SIPA1L2: variants seen among roughly 807,000 people sequenced by gnomAD.
SIPA1L2 encodes the protein signal induced proliferation associated 1 like 2.
A neutral mutation model predicts 163.9 loss-of-function variants in SIPA1L2; 56 were observed. That is an observed-to-expected ratio of 0.34 (90% confidence interval 0.28 to 0.43). SIPA1L2 has a LOEUF of 0.43. Among genes scored for constraint, SIPA1L2 ranks in the 20% least tolerant of loss-of-function variants. SIPA1L2 has a pLI of 1.00. For synonymous variants in SIPA1L2, 877 were observed against 865.7 expected (o/e 1.01, Z -0.23); for missense variants, 1,974 against 2,193.5 (o/e 0.90, Z 2.00).
chr1:232,451,750 A>C (rs1179124682), intron 10 of SIPA1L2, among the ~76,000 whole-genome samples: 1 of 152,058 alleles, frequency 6.6e-6, no homozygotes, highest in Non-Finnish European at 1.5e-5. Flanking sequence ...ACCTCAAGAT[A>C]AGGCTGTGGG....
intron 5 of SIPA1L2, 31 bp from the exon 6 acceptor site, chr1:232,483,997 C>T (rs1283822724): frequency 1.3e-6 from 2 of 1,582,410 alleles, no homozygotes; most frequent in South Asian, 1.2e-5. Context: ...AATTACTTGG[C>T]AAAGCATATC....
At chr1:232,477,470 T>C (rs954954614) in intron 7 of SIPA1L2, among the ~76,000 whole-genome samples, 2 of 152,230 alleles carry the variant, frequency 1.3e-5, no homozygotes, top group Non-Finnish European at 2.9e-5. Context: ...CTTCTTACCA[T>C]GTTCTGGATA....
At chr1:232,569,187 T>C (rs1306986641) in intron 2 of SIPA1L2, among the ~76,000 whole-genome samples, 2 of 152,240 alleles carry the variant, frequency 1.3e-5, no homozygotes, top group African/African-American at 4.8e-5. Flanking sequence ...AAATAAAATG[T>C]TTCAAAACAT....
intron 2 of SIPA1L2, among the ~76,000 whole-genome samples, chr1:232,537,176 A>G (rs1458176046): frequency 6.6e-6 from 1 of 152,134 alleles, no homozygotes; most frequent in Non-Finnish European, 1.5e-5. Context: ...GGTTGAGGCT[A>G]CAGTGAACTG....
chr1:232,610,622 C>G (rs550403459), intron 1 of SIPA1L2, among the ~76,000 whole-genome samples: 1 of 152,144 alleles, frequency 6.6e-6, no homozygotes, highest in Non-Finnish European at 1.5e-5. Context: ...AACAAGCAAC[C>G]CCCTCCACAT....
intron 18 of SIPA1L2, among the ~76,000 whole-genome samples, chr1:232,424,481 G>A (rs1216274515): frequency 2.6e-5 from 4 of 151,970 alleles, no homozygotes; most frequent in African/African-American, 9.7e-5. Context: ...GAAAATAGAG[G>A]TTCATTGGTT....
intron 2 of SIPA1L2, among the ~76,000 whole-genome samples, chr1:232,538,498 C>A (rs995429133): frequency 2.6e-5 from 4 of 152,178 alleles, no homozygotes; most frequent in Admixed American, 2.0e-4. Flanking sequence ...GGCACCAGCT[C>A]CCTTTCCACA....
Position 232,439,495 on chromosome 1 carries a change from A to G in SIPA1L2, c.3644T>C (p.Ile1215Thr), listed in dbSNP as rs779124269. 27 of 1,610,136 alleles carry G rather than the reference A, an allele frequency of 1.7e-5. No homozygotes were observed. The highest frequency in any genetic ancestry group is 8.0e-5 in the African/African-American group (6 of 74,938). ...CKDSPNKLSH[I>T]GDKSCSSHSS... ...GTGACTGGAGCAACTTTTATCCCCA[A>G]TCTTCAGAAGAAAGAGGAACAGAGA... Residue 1215 changes from isoleucine to threonine, a missense_variant and splice_region_variant, in exon 15 of 23, where the codon ATT becomes ACT. By Grantham distance (89) the Ile-to-Thr change is moderately conservative. This residue lies in a region of SIPA1L2 where 1,079 missense variants were observed against 1,150.7 expected (regional missense o/e 0.94). Transcript: ENST00000674635.
intron 1 of SIPA1L2, among the ~76,000 whole-genome samples, chr1:232,618,887 G>T (rs1436966983): frequency 6.6e-6 from 1 of 152,010 alleles, no homozygotes; most frequent in Non-Finnish European, 1.5e-5. Context: ...TTTTCCTTTA[G>T]TTTTATGACA....
chr1:232,617,239 C>T (rs1662548586), intron 1 of SIPA1L2, among the ~76,000 whole-genome samples: 1 of 152,188 alleles, frequency 6.6e-6, no homozygotes, highest in Non-Finnish European at 1.5e-5. Flanking sequence ...CTGGCCTGAG[C>T]CAGGCCCGCA....
intron 15 of SIPA1L2, among the ~76,000 whole-genome samples, chr1:232,433,065 C>T (rs771531378): frequency 2.6e-5 from 4 of 152,202 alleles, no homozygotes; most frequent in Admixed American, 1.3e-4. Context: ...ACACACACAG[C>T]AAACCCCTGC....
At chr1:232,547,390 A>C (rs1412144386) in intron 2 of SIPA1L2, among the ~76,000 whole-genome samples, 1 of 151,516 alleles carries the variant, frequency 6.6e-6, no homozygotes, top group Non-Finnish European at 1.5e-5. Context: ...TTTCCGGGTA[A>C]GGTGGTCTCG....
At chr1:232,540,197 G>A (rs988219708) in intron 2 of SIPA1L2, among the ~76,000 whole-genome samples, 2 of 152,146 alleles carry the variant, frequency 1.3e-5, no homozygotes, top group African/African-American at 4.8e-5. Flanking sequence ...CCAGCTACTC[G>A]AGAGGCTGAG....
At chr1:232,560,672 G>C (rs994241992) in intron 2 of SIPA1L2, among the ~76,000 whole-genome samples, 3 of 150,858 alleles carry the variant, frequency 2.0e-5, no homozygotes, top group Non-Finnish European at 3.0e-5. Context: ...TCAATGGCCA[G>C]ACCAGGACAC....
chr1:232,586,199 C>T (rs1296179334), intron 1 of SIPA1L2, among the ~76,000 whole-genome samples: 1 of 152,162 alleles, frequency 6.6e-6, no homozygotes, highest in Non-Finnish European at 1.5e-5. Context: ...AGTTCTGCCA[C>T]CTGTACTCTG....
At chr1:232,564,235 CGTGTGTGTGTGTGTGTGTGTGT>C (rs59088753) in intron 2 of SIPA1L2, among the ~76,000 whole-genome samples, 1 of 29,698 alleles carries the variant, frequency 3.4e-5, no homozygotes, top group Non-Finnish European at 4.9e-5. Context: ...TTTTTTTTTT[CGTGTGTGTGTGTGTGTGTGTGT>C]GTGTGTGTGT....
chr1:232,595,338 AAAATT>A (rs1160801132), intron 1 of SIPA1L2, among the ~76,000 whole-genome samples: 1 of 152,212 alleles, frequency 6.6e-6, no homozygotes, highest in Non-Finnish European at 1.5e-5. Flanking sequence ...TGGTTGAAAT[AAAATT>A]AAATTAAGCC....
intron 5 of SIPA1L2, among the ~76,000 whole-genome samples, chr1:232,489,411 T>A (rs1278682684): frequency 6.6e-6 from 1 of 152,188 alleles, no homozygotes; most frequent in Non-Finnish European, 1.5e-5. Context: ...ATTTCATATA[T>A]TCCACATACT....
chr1:232,420,634 G>A (rs1198113437), intron 18 of SIPA1L2, among the ~76,000 whole-genome samples: 2 of 152,138 alleles, frequency 1.3e-5, no homozygotes, highest in Non-Finnish European at 2.9e-5. Context: ...AGGAGATGGA[G>A]ACCATCCTGG....
Sources: gnomAD v4.1 joint callset for allele counts (sites outside exome capture counted in the v4.1 genomes callset) on GRCh38, gnomAD v4.1.1 for gene constraint, gnomAD v4.1.1 regional missense constraint, MANE v1.5 for transcripts, NCBI Gene and HGNC (gene_info 2026-07-23, HGNC 2026-07-21) for gene names.